The following CHSY3 variants were observed in gnomAD, a reference collection of about 807,000 sequenced individuals.
CHSY3 encodes the protein N-acetylgalactosaminyl-proteoglycan 3-beta-glucuronosyltransferase 3.
Under a neutral mutation model 67.2 loss-of-function variants are expected in CHSY3, and 35 were observed. The observed-to-expected ratio is 0.52, with a 90% CI of 0.40 to 0.69. CHSY3 has a LOEUF of 0.69. Among genes scored for constraint, CHSY3 ranks in the 30% least tolerant of loss-of-function variants. The pLI, the probability that CHSY3 is intolerant of heterozygous loss-of-function variation, is 0.00. For missense variants in CHSY3, 1,069 were observed against 1,138.5 expected (o/e 0.94, Z 0.88); for synonymous variants, 474 against 434.7 (o/e 1.09, Z -1.12).
At chr5:130,137,195 T>G (rs1768692293) in intron 2 of CHSY3, among the ~76,000 whole-genome samples, 1 of 152,228 alleles carries the variant, frequency 6.6e-6, no homozygotes, top group Non-Finnish European at 1.5e-5. Context: ...AGGTTCTGTT[T>G]GCACATCTCC....
At chr5:130,099,595 G>T (rs1266016082) in intron 2 of CHSY3, among the ~76,000 whole-genome samples, 1 of 152,162 alleles carries the variant, frequency 6.6e-6, no homozygotes, top group Non-Finnish European at 1.5e-5. Context: ...TTTTACATAA[G>T]AGTCATTACC....
rs191112918 is a variant in CHSY3, at chr5:129,964,131, T to A, written c.1086+55771T>A. ...AGAGTGGAATAATGGTTTGCCTCCT[T>A]ACTCTAGGGCCAGGATTTTATGTGG... is the stretch of plus-strand genomic sequence containing the variant. On this transcript the variant is annotated intron_variant, in intron 2 of 2. Transcript: ENST00000305031. 2.6e-5 allele frequency among the ~76,000 whole-genome samples: 4 copies of A among 152,032 alleles called. No individual in the cohort carries two copies. The East Asian group carries it at 7.8e-4, about 30-fold the overall frequency.
chr5:129,946,674 A>G (rs1761863927), intron 2 of CHSY3, among the ~76,000 whole-genome samples: 3 of 152,162 alleles, frequency 2.0e-5, no homozygotes, highest in East Asian at 1.9e-4. Context: ...TTTAGATTCC[A>G]CATATAAGTG....
chr5:130,164,857 C>G (rs1263960844), intron 2 of CHSY3, among the ~76,000 whole-genome samples: 1 of 152,000 alleles, frequency 6.6e-6, no homozygotes, highest in Non-Finnish European at 1.5e-5. Context: ...AGACATATAC[C>G]AGTCCTGATT....
chr5:130,141,694 C>A, intron 2 of CHSY3: 1 of 527,580 alleles, frequency 1.9e-6, no homozygotes. Context: ...TGAGAAACTT[C>A]AAGGCAAGAT....
In CHSY3 at chr5:129,908,164, T is replaced by C; in HGVS notation, c.890T>C (p.Leu297Pro). 1.9e-6 allele frequency: 3 copies of C among 1,614,152 alleles called. No individual in the cohort carries two copies. Among genetic ancestry groups the C allele is most frequent in the Non-Finnish European group, 2.5e-6 (3 of 1,180,032 alleles). ...GQTGLGNIEE[L>P]GKLGLEPGEN... ...ACTGGCCTGGGGAATATTGAAGAGC[T>C]TGGAAAGCTGGGACTGGAGCCTGGG... Residue 297 changes from leucine to proline, a missense_variant, in exon 2 of 3, where the codon CTT (leucine) becomes CCT (proline). Physicochemically the swap from Leu to Pro is moderately conservative, Grantham distance 98. This residue lies in a region of CHSY3 where 216 missense variants were observed against 311.5 expected (regional missense o/e 0.69). Coordinates refer to ENST00000305031, the MANE Select transcript of CHSY3 (RefSeq NM_175856.5).
chr5:129,966,544 A>T (rs1762473791), intron 2 of CHSY3, among the ~76,000 whole-genome samples: 1 of 151,856 alleles, frequency 6.6e-6, no homozygotes, highest in Admixed American at 6.6e-5. Context: ...AATGAAAAAT[A>T]AGTAAATAAC....
chr5:130,143,784 GTATATATATATATATATA>G (rs71000950), intron 2 of CHSY3, among the ~76,000 whole-genome samples: 1 of 73,840 alleles, frequency 1.4e-5, no homozygotes, highest in African/African-American at 6.2e-5. Context: ...ATATATATGT[GTATATATATATATATATA>G]TATGTGTGTA....
chr5:129,961,181 G>A (rs1469700030), intron 2 of CHSY3, among the ~76,000 whole-genome samples: 1 of 152,026 alleles, frequency 6.6e-6, no homozygotes, highest in Non-Finnish European at 1.5e-5. Context: ...TTTAAATTCA[G>A]TATTTCTGAC....
intron 2 of CHSY3, among the ~76,000 whole-genome samples, chr5:130,163,754 T>C (rs1465419129): frequency 2.6e-5 from 4 of 152,116 alleles, no homozygotes; most frequent in African/African-American, 9.7e-5. Flanking sequence ...CTAAGCTAGC[T>C]AACTAACATA....
chr5:129,941,567 T>C (rs1489927230), intron 2 of CHSY3, among the ~76,000 whole-genome samples: 1 of 152,176 alleles, frequency 6.6e-6, no homozygotes, highest in African/African-American at 2.4e-5. Context: ...TTTCATACTA[T>C]GAATACTAGC....
At chr5:130,164,411 G>C (rs1769662985) in intron 2 of CHSY3, among the ~76,000 whole-genome samples, 1 of 152,102 alleles carries the variant, frequency 6.6e-6, no homozygotes, top group African/African-American at 2.4e-5. Flanking sequence ...TATCAGGAAG[G>C]AAAACAGTTG....
At chr5:129,904,108 C>T (rs1174528277), upstream of CHSY3, among the ~76,000 whole-genome samples, 1 of 151,894 alleles carries the variant, frequency 6.6e-6, no homozygotes, top group Non-Finnish European at 1.5e-5. Flanking sequence ...GCCAGTAGAG[C>T]CCCCAGACAC....
intron 2 of CHSY3, among the ~76,000 whole-genome samples, chr5:130,121,396 T>A (rs1464366130): frequency 1.3e-5 from 2 of 152,130 alleles, no homozygotes; most frequent in African/African-American, 4.8e-5. Flanking sequence ...TGATGCCAAG[T>A]AAAGGTAAAA....
chr5:129,934,124 C>T (rs1200049264), intron 2 of CHSY3, among the ~76,000 whole-genome samples: 1 of 151,994 alleles, frequency 6.6e-6, no homozygotes, highest in East Asian at 1.9e-4. Context: ...TAATAAACTA[C>T]TGTGCATTTG....
chr5:129,919,284 C>T (rs1436960671), intron 2 of CHSY3, among the ~76,000 whole-genome samples: 3 of 151,974 alleles, frequency 2.0e-5, no homozygotes, highest in Non-Finnish European at 4.4e-5. Context: ...TTACACATAT[C>T]AGTATTACAG....
At chr5:129,927,031 A>G (rs1480457390) in intron 2 of CHSY3, among the ~76,000 whole-genome samples, 2 of 151,998 alleles carry the variant, frequency 1.3e-5, no homozygotes, top group African/African-American at 4.8e-5. Context: ...TAATAAAACA[A>G]ACTTACTTGA....
At chr5:129,956,596 T>A (rs938364905) in intron 2 of CHSY3, among the ~76,000 whole-genome samples, 1 of 152,122 alleles carries the variant, frequency 6.6e-6, no homozygotes, top group African/African-American at 2.4e-5. Flanking sequence ...TTGTTGCAAT[T>A]GCTTTTGGCA....
At chr5:130,171,752 T>C (rs1769899053) in intron 2 of CHSY3, among the ~76,000 whole-genome samples, 1 of 152,198 alleles carries the variant, frequency 6.6e-6, no homozygotes. Flanking sequence ...CCATATCAGA[T>C]TGTTACTTGG....
Sources: gnomAD v4.1 joint callset for allele counts (sites outside exome capture counted in the v4.1 genomes callset) on GRCh38, gnomAD v4.1.1 for gene constraint, gnomAD v4.1.1 regional missense constraint, MANE v1.5 for transcripts, NCBI Gene and HGNC (gene_info 2026-07-23, HGNC 2026-07-21) for gene names.